RTL9: variants seen among roughly 807,000 people sequenced by gnomAD.
The protein encoded by RTL9 is retrotransposon Gag like 9.
A neutral mutation model predicts 44.7 loss-of-function variants in RTL9; 19 were observed. That is an observed-to-expected ratio of 0.42 (90% CI 0.30 to 0.62). The LOEUF (loss-of-function observed/expected upper bound fraction) is 0.62. Ranked by LOEUF, RTL9 falls within the 20% of genes least tolerant of loss-of-function variation. The probability of loss-of-function intolerance (pLI) is 0.16; values close to 1 mark genes in which losing one functional copy is unlikely to be tolerated. For missense variants in RTL9, 1,105 were observed against 1,080.6 expected (o/e 1.02, Z -0.32); for synonymous variants, 407 against 398.9 (o/e 1.02, Z -0.24).
chrX:110,390,536 T>C (rs1283561640), intron 1 of RTL9, among the ~76,000 whole-genome samples: 2 of 111,501 alleles, frequency 1.8e-5, no homozygotes, highest in African/African-American at 6.5e-5. Flanking sequence ...CTAGGTGAAC[T>C]GAATATGCCC....
intron 1 of RTL9, among the ~76,000 whole-genome samples, chrX:110,402,111 A>C (rs2068569414): frequency 8.9e-6 from 1 of 112,303 alleles, no homozygotes; most frequent in Admixed American, 9.4e-5. Context: ...ATCTCTCTTG[A>C]TATCAAACTG....
intron 1 of RTL9, among the ~76,000 whole-genome samples, chrX:110,359,811 G>A (rs930525357): frequency 3.6e-5 from 4 of 111,439 alleles, no homozygotes; most frequent in African/African-American, 9.8e-5. Context: ...GAGTGGTCTG[G>A]TCACATCATA....
chrX:110,453,913 C>A, exon 1 of RTL9: 1 of 1,212,160 alleles, frequency 8.2e-7, no homozygotes, highest in East Asian at 3.0e-5. Flanking sequence ...GAAATCAAAG[C>A]CACAGACTCT....
At chrX:110,428,936 C>A (rs902888155) in intron 1 of RTL9, among the ~76,000 whole-genome samples, 2 of 112,221 alleles carry the variant, frequency 1.8e-5, no homozygotes, top group Non-Finnish European at 3.8e-5. Context: ...ACAGGTCTGC[C>A]CCTACGTGTA....
At chrX:110,450,862 C>T (rs185374914) in exon 1 of RTL9, 1 of 1,211,803 alleles carries the variant, frequency 8.3e-7, no homozygotes. Flanking sequence ...ATGGGAGTAC[C>T]AAACTCTGGA....
chrX:110,439,793 C>T (rs1468517094), intron 1 of RTL9: 3 of 110,438 alleles, frequency 2.7e-5, no homozygotes, highest in African/African-American at 9.9e-5. Flanking sequence ...ATGGACCTGC[C>T]CACACCTGAG....
At chrX:110,384,646 G>C (rs1459366826) in intron 1 of RTL9, among the ~76,000 whole-genome samples, 1 of 111,238 alleles carries the variant, frequency 9.0e-6, no homozygotes, top group Non-Finnish European at 1.9e-5. Context: ...GAAAATGTGA[G>C]TCATCTCCAT....
exon 1 of RTL9, chrX:110,454,342 C>G: frequency 1.7e-6 from 2 of 1,211,915 alleles, no homozygotes; most frequent in South Asian, 3.5e-5. Flanking sequence ...CTTTGCCATC[C>G]CAAACAGGGC....
At chrX:110,440,417 G>A (rs1224233322) in intron 1 of RTL9, among the ~76,000 whole-genome samples, 1 of 112,108 alleles carries the variant, frequency 8.9e-6, no homozygotes, top group Non-Finnish European at 1.9e-5. Flanking sequence ...CTGGGTCGCT[G>A]TGGGTGTGTG....
chrX:110,383,461 C>CT (rs1222619932), intron 1 of RTL9, among the ~76,000 whole-genome samples: 1 of 111,322 alleles, frequency 9.0e-6, no homozygotes, highest in African/African-American at 3.3e-5. Flanking sequence ...AATTCTTCTA[C>CT]TGTATATAAG....
chrX:110,399,353 TA>T (rs2068549189), intron 1 of RTL9, among the ~76,000 whole-genome samples: 2 of 112,305 alleles, frequency 1.8e-5, no homozygotes, highest in African/African-American at 6.5e-5. Context: ...AACTGGAATT[TA>T]AACCTACGCT....
intron 1 of RTL9, among the ~76,000 whole-genome samples, chrX:110,367,334 C>T (rs1264303753): frequency 8.9e-6 from 1 of 112,094 alleles, no homozygotes; most frequent in African/African-American, 3.2e-5. Flanking sequence ...CTCATTTTCT[C>T]TTGAATCCTC....
At chrX:110,450,632 A>G in exon 1 of RTL9, 1 of 1,210,138 alleles carries the variant, frequency 8.3e-7, no homozygotes, top group South Asian at 1.8e-5. Flanking sequence ...CAATACCCTT[A>G]CATTCACTGC....
chrX:110,373,538 CA>C (rs2068354355), intron 1 of RTL9, among the ~76,000 whole-genome samples: 1 of 111,268 alleles, frequency 9.0e-6, no homozygotes, highest in Non-Finnish European at 1.9e-5. Flanking sequence ...AGCTCACATG[CA>C]AAAAAATGAT....
intron 1 of RTL9, among the ~76,000 whole-genome samples, chrX:110,413,162 T>G (rs1260732505): frequency 9.0e-6 from 1 of 110,530 alleles, no homozygotes; most frequent in East Asian, 2.8e-4. Context: ...TACCGCCCTC[T>G]CTCACTCTTC....
intron 1 of RTL9, among the ~76,000 whole-genome samples, chrX:110,360,898 A>C (rs1265292327): frequency 9.0e-6 from 1 of 111,661 alleles, no homozygotes; most frequent in African/African-American, 3.3e-5. Flanking sequence ...TCTGGAGTTG[A>C]AAGGTAGAGG....
chrX:110,424,862 A>G (rs765825001), intron 1 of RTL9, among the ~76,000 whole-genome samples: 2 of 111,942 alleles, frequency 1.8e-5, no homozygotes, highest in East Asian at 5.6e-4. Context: ...TTTCCAGATC[A>G]AGGACCTCAA....
intron 1 of RTL9, among the ~76,000 whole-genome samples, chrX:110,359,380 A>G (rs1225137525): frequency 9.0e-6 from 1 of 111,193 alleles, no homozygotes; most frequent in African/African-American, 3.3e-5. Context: ...CTCTTTTGGC[A>G]TTACTCATGA....
exon 2 of RTL9, chrX:110,455,439 C>T (rs1009879726): frequency 6.6e-6 from 6 of 907,834 alleles, no homozygotes; most frequent in East Asian, 3.2e-5. Context: ...TTCAGCCTCC[C>T]GCTCCAGGCA....
Sources: gnomAD v4.1 joint callset for allele counts (sites outside exome capture counted in the v4.1 genomes callset) on GRCh38, gnomAD v4.1.1 for gene constraint, MANE v1.5 for transcripts, NCBI Gene and HGNC (gene_info 2026-07-23, HGNC 2026-07-21) for gene names.